CHRM2: variants seen among roughly 807,000 people sequenced by gnomAD.
CHRM2 encodes the protein muscarinic acetylcholine receptor M2.
In CHRM2, 8 loss-of-function variants were observed where a neutral mutation model predicts 25.0. The observed-to-expected ratio is 0.32, with a 90% CI of 0.19 to 0.58. CHRM2 has a LOEUF of 0.58. CHRM2 is among the 20% of genes least tolerant of loss of function. CHRM2 has a pLI of 0.88. For missense variants in CHRM2, 440 were observed against 567.1 expected, an observed-to-expected ratio of 0.78 and a Z score of 2.28; for synonymous variants, 202 against 205.7, an observed-to-expected ratio of 0.98 and a Z score of 0.15.
intron 2 of CHRM2, among the ~76,000 whole-genome samples, chr7:136,940,319 C>A (rs987531642): frequency 1.3e-5 from 2 of 152,172 alleles, no homozygotes; most frequent in African/African-American, 4.8e-5. Context: ...ACAGTATACT[C>A]GCGTTGAACA....
chr7:136,916,443 C>T (rs74832030), intron 2 of CHRM2, among the ~76,000 whole-genome samples: 3,084 of 151,586 alleles, frequency 0.02, 102 homozygotes, highest in African/African-American at 0.07. Flanking sequence ...ATAAGATGCC[C>T]TCATAATATG....
At chr7:136,980,241 CTGTT>C (rs1397433293) in intron 2 of CHRM2, among the ~76,000 whole-genome samples, 1 of 152,124 alleles carries the variant, frequency 6.6e-6, no homozygotes, top group Non-Finnish European at 1.5e-5. Flanking sequence ...ATTTGGCTCT[CTGTT>C]TGTCTATTAT....
chr7:136,927,185 T>C (rs1479263066), intron 2 of CHRM2, among the ~76,000 whole-genome samples: 4 of 152,218 alleles, frequency 2.6e-5, no homozygotes, highest in African/African-American at 9.6e-5. Context: ...GCACTCAATA[T>C]GTATTAGTTG....
chr7:136,939,107 G>A (rs900641828), intron 2 of CHRM2, among the ~76,000 whole-genome samples: 1 of 151,968 alleles, frequency 6.6e-6, no homozygotes, highest in Non-Finnish European at 1.5e-5. Flanking sequence ...TGTTCCACTG[G>A]GCCATGCAGA....
chr7:137,014,219 G>A (rs1805018088), intron 3 of CHRM2, among the ~76,000 whole-genome samples: 1 of 151,876 alleles, frequency 6.6e-6, no homozygotes, highest in Admixed American at 6.6e-5. Flanking sequence ...ATAAAATAGA[G>A]GCAAGAGGAA....
intron 2 of CHRM2, among the ~76,000 whole-genome samples, chr7:136,929,946 A>T (rs1032217136): frequency 8.5e-5 from 13 of 152,094 alleles, no homozygotes; most frequent in African/African-American, 3.1e-4. Flanking sequence ...ATAATAACCA[A>T]ATGAAATGAA....
chr7:136,948,544 A>G (rs989438505), intron 2 of CHRM2, among the ~76,000 whole-genome samples: 20 of 152,168 alleles, frequency 1.3e-4, no homozygotes, highest in African/African-American at 4.3e-4. Context: ...ACTTAGCGGA[A>G]TCAGAAGTGT....
At chr7:136,930,187 C>T (rs917967933) in intron 2 of CHRM2, among the ~76,000 whole-genome samples, 2 of 152,112 alleles carry the variant, frequency 1.3e-5, no homozygotes, top group Non-Finnish European at 2.9e-5. Flanking sequence ...AATCCCAGCA[C>T]TTTGGGAAGC....
chr7:136,911,880 G>A (rs543329451), intron 2 of CHRM2, among the ~76,000 whole-genome samples: 2 of 151,720 alleles, frequency 1.3e-5, no homozygotes, highest in Non-Finnish European at 2.9e-5. Context: ...TTTTTCCATC[G>A]ATTCCATTGA....
intron 2 of CHRM2, among the ~76,000 whole-genome samples, chr7:136,944,387 A>G (rs1363062238): frequency 6.6e-6 from 1 of 152,084 alleles, no homozygotes; most frequent in Non-Finnish European, 1.5e-5. Flanking sequence ...ATGGTCTCCA[A>G]TTCTAACCAG....
At chr7:136,982,150 T>G (rs1176780711) in intron 2 of CHRM2, among the ~76,000 whole-genome samples, 1 of 152,240 alleles carries the variant, frequency 6.6e-6, no homozygotes, top group East Asian at 1.9e-4. Context: ...TATATATATT[T>G]AGGATAGTTA....
chr7:136,902,250 T>C (rs1797265658), intron 2 of CHRM2: 1 of 151,904 alleles, frequency 6.6e-6, no homozygotes, highest in Admixed American at 6.6e-5. Context: ...CATCCATCCA[T>C]CCATCTATCC....
intron 2 of CHRM2, among the ~76,000 whole-genome samples, chr7:136,948,048 G>A (rs761762225): frequency 1.1e-4 from 17 of 152,142 alleles, no homozygotes; most frequent in Admixed American, 7.2e-4. Context: ...CTCATGGCTG[G>A]GGGATTGTAT....
intron 2 of CHRM2, among the ~76,000 whole-genome samples, chr7:136,983,136 A>G (rs1802599635): frequency 6.6e-6 from 1 of 151,966 alleles, no homozygotes; most frequent in East Asian, 1.9e-4. Flanking sequence ...GGCTTTATTC[A>G]TTCCTTTTCA....
chr7:136,965,313 C>T (rs1165411189), intron 2 of CHRM2, among the ~76,000 whole-genome samples: 1 of 151,664 alleles, frequency 6.6e-6, no homozygotes, highest in East Asian at 1.9e-4. Context: ...AATCTAAAAT[C>T]TGAAAGAAAT....
intron 2 of CHRM2, among the ~76,000 whole-genome samples, chr7:136,951,984 C>T (rs1215220820): frequency 6.6e-6 from 1 of 152,080 alleles, no homozygotes; most frequent in Non-Finnish European, 1.5e-5. Flanking sequence ...TATCCACAAG[C>T]AGGTTTAGAT....
chr7:136,888,916 C>T (rs1000614069), intron 2 of CHRM2, among the ~76,000 whole-genome samples: 38 of 151,730 alleles, frequency 2.5e-4, no homozygotes, highest in African/African-American at 8.5e-4. Context: ...GGCGTGGTGG[C>T]GGGCACCTGT....
intron 2 of CHRM2, among the ~76,000 whole-genome samples, chr7:136,897,451 T>C (rs2130594729): frequency 6.6e-6 from 1 of 152,278 alleles, no homozygotes; most frequent in African/African-American, 2.4e-5. Context: ...GTTCTCATGC[T>C]GTATCCTTTT....
intron 3 of CHRM2, 106 bp from the exon 4 acceptor site, chr7:137,014,714 A>C: frequency 1.3e-6 from 1 of 742,226 alleles, no homozygotes; most frequent in Non-Finnish European, 2.3e-6. Flanking sequence ...ATGCAGGGGA[A>C]GGGAGATTTG....
Sources: gnomAD v4.1 joint callset for allele counts (sites outside exome capture counted in the v4.1 genomes callset) on GRCh38, gnomAD v4.1.1 for gene constraint, MANE v1.5 for transcripts, NCBI Gene and HGNC (gene_info 2026-07-23, HGNC 2026-07-21) for gene names.